Variants in SCAND3 observed in about 807,000 individuals in gnomAD.
SCAND3 encodes the protein SCAN domain-containing protein 3.
At chr6:28,616,078 G>C in the SCAND3 span, 1 of 152,170 alleles carries the variant, frequency 6.6e-6, no homozygotes, top group Non-Finnish European at 1.5e-5. The surrounding 1 kb of genome is among the most constrained non-coding windows in gnomAD (Gnocchi z 4.3). Context: ...AAGCGTGGTG[G>C]GCATCTCCAA....
At chr6:28,573,655 C>G in the SCAND3 span, 1 of 1,612,288 alleles carries the variant, frequency 6.2e-7, no homozygotes, top group Non-Finnish European at 8.5e-7. Flanking sequence ...AGCTACAAAA[C>G]CAAACTCAAT....
chr6:28,607,971 G>C, the SCAND3 span, among the ~76,000 whole-genome samples: 1 of 152,158 alleles, frequency 6.6e-6, no homozygotes, highest in African/African-American at 2.4e-5. Flanking sequence ...ACAATATGTT[G>C]TGGAAAGCCA....
chr6:28,600,600 C>G, the SCAND3 span, among the ~76,000 whole-genome samples: 14 of 152,202 alleles, frequency 9.2e-5, no homozygotes, highest in East Asian at 2.5e-3. Context: ...GTACTCCAGC[C>G]TGGGTGACAA....
At chr6:28,596,558 T>G in the SCAND3 span, among the ~76,000 whole-genome samples, 1 of 152,080 alleles carries the variant, frequency 6.6e-6, no homozygotes, top group Non-Finnish European at 1.5e-5. Context: ...AGCTTTATAA[T>G]TTTGGAATCA....
the SCAND3 span, among the ~76,000 whole-genome samples, chr6:28,579,058 C>A: frequency 2.0e-3 from 306 of 152,288 alleles, 2 homozygotes; most frequent in African/African-American, 4.8e-3. This position sits in a 1 kb window ranked among gnomAD's most constrained non-coding sequence, Gnocchi z 4.5. Context: ...ACAAAGTATC[C>A]ATGAAAAATC....
the SCAND3 span, among the ~76,000 whole-genome samples, chr6:28,598,268 C>T: frequency 6.6e-6 from 1 of 152,168 alleles, no homozygotes; most frequent in Non-Finnish European, 1.5e-5. Context: ...ATAAACCCAG[C>T]ACCAAGGAAC....
the SCAND3 span, chr6:28,589,844 G>GTTTT: frequency 2.2e-4 from 27 of 123,792 alleles, 1 homozygote; most frequent in South Asian, 5.9e-4. Flanking sequence ...TCTTTTGTTT[G>GTTTT]TTTTTTTGTT....
the SCAND3 span, among the ~76,000 whole-genome samples, chr6:28,613,185 A>T: frequency 6.6e-6 from 1 of 152,216 alleles, no homozygotes; most frequent in Non-Finnish European, 1.5e-5. Flanking sequence ...GGCAATGGAT[A>T]AGCTGAAATT....
chr6:28,574,192 A>G, the SCAND3 span, among the ~76,000 whole-genome samples: 3 of 152,156 alleles, frequency 2.0e-5, no homozygotes. Context: ...ATTGTTATAA[A>G]GGTTTCTAAA....
At chr6:28,587,068 A>G in the SCAND3 span, 2 of 241,162 alleles carry the variant, frequency 8.3e-6, no homozygotes, top group Non-Finnish European at 1.6e-5. Context: ...GCCTGGGTGT[A>G]TGAGCCTAGG....
the SCAND3 span, chr6:28,589,580 T>C: frequency 1.3e-5 from 2 of 152,080 alleles, no homozygotes; most frequent in African/African-American, 2.4e-5. Context: ...ACTCTCCCCT[T>C]CTATCCAAGC....
the SCAND3 span, among the ~76,000 whole-genome samples, chr6:28,580,551 C>T: frequency 6.6e-6 from 1 of 152,140 alleles, no homozygotes; most frequent in Non-Finnish European, 1.5e-5. Flanking sequence ...TTTCCCTTCT[C>T]TGAGCTTAAT....
chr6:28,578,579 G>A, the SCAND3 span, among the ~76,000 whole-genome samples: 14 of 152,234 alleles, frequency 9.2e-5, no homozygotes, highest in Non-Finnish European at 1.8e-4. Context: ...TCCATTTTGT[G>A]CCATGCTATA....
At chr6:28,597,444 A>AT in the SCAND3 span, among the ~76,000 whole-genome samples, 2 of 152,110 alleles carry the variant, frequency 1.3e-5, no homozygotes, top group Admixed American at 1.3e-4. Context: ...TGGCAAAGTC[A>AT]TTTTCTTCCT....
the SCAND3 span, among the ~76,000 whole-genome samples, chr6:28,584,331 A>ATT: frequency 1.3e-5 from 2 of 151,978 alleles, no homozygotes; most frequent in African/African-American, 2.4e-5. Context: ...AATTATAAGA[A>ATT]TTTTAAAAGA....
chr6:28,603,611 T>G, the SCAND3 span, among the ~76,000 whole-genome samples: 1 of 145,434 alleles, frequency 6.9e-6, no homozygotes, highest in Non-Finnish European at 1.5e-5. Context: ...CCAGGTATAT[T>G]ATATCTAAAT....
the SCAND3 span, chr6:28,572,569 T>C: frequency 2.5e-6 from 4 of 1,614,062 alleles, no homozygotes; most frequent in East Asian, 6.7e-5. This position sits in a 1 kb window ranked among gnomAD's most constrained non-coding sequence, Gnocchi z 4.1. Flanking sequence ...ACTGAAGATA[T>C]CAGACAAATA....
chr6:28,610,391 C>T, the SCAND3 span, among the ~76,000 whole-genome samples: 5 of 151,880 alleles, frequency 3.3e-5, no homozygotes, highest in South Asian at 4.2e-4. Context: ...GGTGTGGTGG[C>T]GTGTGCCTGT....
the SCAND3 span, chr6:28,587,120 G>A: frequency 2.7e-5 from 5 of 185,470 alleles, no homozygotes; most frequent in Non-Finnish European, 5.6e-5. Flanking sequence ...AGGGCGGAGA[G>A]GGAGAGGGGC....
Sources: gnomAD v4.1 joint callset for allele counts (sites outside exome capture counted in the v4.1 genomes callset) on GRCh38, gnomAD v4.1.1 for gene constraint, Gnocchi (gnomAD v3.1) non-coding constraint, MANE v1.5 for transcripts, NCBI Gene and HGNC (gene_info 2026-07-23, HGNC 2026-07-21) for gene names.